PMM2: variants seen among roughly 807,000 people sequenced by gnomAD.
PMM2 encodes the protein phosphomannomutase 2, also known as mannose-6-phosphate isomerase.
PMM2 carries 35 observed loss-of-function variants against 33.2 expected under a neutral mutation model. That is an observed-to-expected ratio of 1.06 (90% confidence interval 0.81 to 1.40). PMM2 has a LOEUF of 1.40. Ranked by LOEUF, PMM2 falls within the 40% of genes most tolerant of loss-of-function variation. The probability of loss-of-function intolerance (pLI) is 0.00; values close to 1 mark genes in which losing one functional copy is unlikely to be tolerated. For missense variants in PMM2, 386 were observed against 306.0 expected (o/e 1.26, Z -1.95); for synonymous variants, 153 against 114.7 (o/e 1.33, Z -2.13).
chr16:8,809,070 G>A (rs967435823), intron 4 of PMM2: 1 of 152,232 alleles, frequency 6.6e-6, no homozygotes, highest in African/African-American at 2.4e-5. Flanking sequence ...GCCCTTTGGA[G>A]GTAACCAGAG....
chr16:8,836,425 C>A (rs897155076), intron 7 of PMM2, among the ~76,000 whole-genome samples: 1 of 152,068 alleles, frequency 6.6e-6, no homozygotes, highest in South Asian at 2.1e-4. Flanking sequence ...TAGGAGGAAT[C>A]CCGGGCTGTG....
At chr16:8,800,112 A>G (rs2060604387) in intron 1 of PMM2, among the ~76,000 whole-genome samples, 1 of 152,168 alleles carries the variant, frequency 6.6e-6, no homozygotes, top group Non-Finnish European at 1.5e-5. Flanking sequence ...TAATCCCAGC[A>G]CTTGGGGAGG....
chr16:8,802,276 C>T (rs953339850), intron 2 of PMM2: 4 of 455,134 alleles, frequency 8.8e-6, no homozygotes, highest in Non-Finnish European at 1.8e-5. Context: ...CTCACCTCCC[C>T]ATCACTGAAA....
chr16:8,824,489 C>T (rs971340988), intron 7 of PMM2, among the ~76,000 whole-genome samples: 3 of 152,256 alleles, frequency 2.0e-5, no homozygotes, highest in Non-Finnish European at 2.9e-5. Flanking sequence ...TATACTGAGA[C>T]GTATCAGAAT....
chr16:8,840,729 G>A (rs112696615), intron 7 of PMM2, among the ~76,000 whole-genome samples: 1 of 152,024 alleles, frequency 6.6e-6, no homozygotes, highest in African/African-American at 2.4e-5. Context: ...GGTGAGCCTA[G>A]TGGGGAGGAT....
At position 8,848,171 on chromosome 16, in the gene PMM2, T is replaced by G. The variant is rs557059975; in HGVS notation, c.*346T>G. 7.8e-5 allele frequency: 23 copies of G among 296,620 alleles called. 1 individual carries two copies. The highest frequency in any genetic ancestry group is 7.7e-4 in the South Asian group (23 of 29,906). The allele number at this position is 296,620 out of a possible 1,614,324, so 18.4% of individuals were successfully genotyped here. A position where few individuals can be genotyped will look rare whatever the true frequency, so the allele number is the denominator to read the frequency against. On this transcript the variant is annotated 3_prime_UTR_variant, in exon 8 of 8. Coordinates refer to ENST00000268261, the MANE Select transcript of PMM2 (RefSeq NM_000303.3). ...ATGATACAGAAAGAAAAACTGTGCCTGGACCCTCCCTCTTGGTGGGTCTGT... is the reference window on the plus strand; with the variant it reads ...ATGATACAGAAAGAAAAACTGTGCCGGGACCCTCCCTCTTGGTGGGTCTGT...
chr16:8,819,216 G>A (rs573521946), intron 7 of PMM2, among the ~76,000 whole-genome samples: 1 of 152,226 alleles, frequency 6.6e-6, no homozygotes, highest in Non-Finnish European at 1.5e-5. Flanking sequence ...CCACATGACA[G>A]TGGTCTGTCT....
intron 7 of PMM2, among the ~76,000 whole-genome samples, chr16:8,817,770 A>G (rs1448721855): frequency 6.6e-6 from 1 of 152,228 alleles, no homozygotes; most frequent in Non-Finnish European, 1.5e-5. Context: ...GTCACCTATA[A>G]TCATCCAACA....
intron 2 of PMM2, among the ~76,000 whole-genome samples, chr16:8,804,275 G>A (rs991494271): frequency 6.6e-6 from 1 of 151,388 alleles, no homozygotes; most frequent in Non-Finnish European, 1.5e-5. Context: ...TCCTGACCTA[G>A]TAAAACCCCG....
At chr16:8,826,548 C>T (rs2060769366) in intron 7 of PMM2, among the ~76,000 whole-genome samples, 1 of 152,156 alleles carries the variant, frequency 6.6e-6, no homozygotes, top group South Asian at 2.1e-4. Flanking sequence ...TCTGATCTGC[C>T]TAATTCAGAC....
At chr16:8,827,841 A>T (rs1487063698) in intron 7 of PMM2, among the ~76,000 whole-genome samples, 3 of 72,216 alleles carry the variant, frequency 4.2e-5, no homozygotes, top group African/African-American at 1.4e-4. Flanking sequence ...TATATTGTAT[A>T]ATATATAATA....
intron 4 of PMM2, chr16:8,807,953 T>A (rs537641801): frequency 6.6e-6 from 1 of 152,208 alleles, no homozygotes; most frequent in Non-Finnish European, 1.5e-5. Context: ...CAGTGGCTAT[T>A]TCTTGATGGT....
chr16:8,811,222 G>A lies in PMM2; in HGVS notation c.447+44G>A, dbSNP rs1054022285. The A allele has an allele frequency of 7.2e-6, 9 of 1,254,378 alleles. No individual in the cohort carries two copies. The African/African-American group carries it at 1.3e-4, about 19-fold the overall frequency. The allele number at this position is 1,254,378 out of a possible 1,614,324, so 77.7% of individuals were successfully genotyped here. On this transcript the variant is annotated intron_variant, in intron 5 of 7. Transcript: ENST00000268261. ...TCTTTGGTGAATGGCTGGGTTTATG[G>A]AAATAAGATATGGCCTGGTGTGGTG...
At chr16:8,828,388 T>C (rs1252490207) in intron 7 of PMM2, among the ~76,000 whole-genome samples, 1 of 152,122 alleles carries the variant, frequency 6.6e-6, no homozygotes, top group Non-Finnish European at 1.5e-5. Context: ...TTCCGTAAGC[T>C]GGGAACCAGA....
At chr16:8,844,742 G>A (rs186814474) in intron 7 of PMM2, among the ~76,000 whole-genome samples, 16 of 152,306 alleles carry the variant, frequency 1.1e-4, no homozygotes, top group African/African-American at 3.6e-4. Flanking sequence ...CAGATAAAAC[G>A]TCTCCTTTGT....
At position 8,820,368 on chromosome 16, in the gene PMM2, T is replaced by C. The variant is rs80115835; in HGVS notation, c.639+7262T>C. 7.7e-4 allele frequency among the ~76,000 whole-genome samples: 113 copies of C among 146,552 alleles called. 1 individual carries two copies. In the Middle Eastern group the frequency reaches 0.018, roughly 23 times the overall value. ...CAGTTCTTCTTTTTTTTTTTTTTTT[T>C]CCTGAGACAAGGTCTCACTCTGTCA... On this transcript the variant is annotated intron_variant, in intron 7 of 7. Transcript: ENST00000268261.
intron 2 of PMM2, chr16:8,802,168 G>A (rs1405452820): frequency 6.1e-6 from 3 of 491,990 alleles, no homozygotes; most frequent in African/African-American, 1.9e-5. Context: ...ATCTGCACAT[G>A]ATAATCTCTC....
At position 8,848,758 on chromosome 16, in the gene PMM2, A is replaced by T. The variant is rs1478598111; in HGVS notation, c.*933A>T. ...TCAGGGATGGAGCGAGAGCCCAGCC[A>T]GAGAACAGTAAGAGGAGCTGCTCTC... On this transcript the variant is annotated 3_prime_UTR_variant, in exon 8 of 8. Coordinates refer to ENST00000268261, the MANE Select transcript of PMM2 (RefSeq NM_000303.3). 6.6e-6 allele frequency: 1 copy of T among 152,272 alleles called. No individual in the cohort carries two copies. The highest frequency in any genetic ancestry group is 2.4e-5 in the African/African-American group (1 of 41,466). The allele number at this position is 152,272 out of a possible 1,614,324, so 9.4% of individuals were successfully genotyped here.
At chr16:8,837,738 A>G (rs2060860295) in intron 7 of PMM2, among the ~76,000 whole-genome samples, 1 of 152,044 alleles carries the variant, frequency 6.6e-6, no homozygotes, top group African/African-American at 2.4e-5. Flanking sequence ...CTCCGCCAGA[A>G]AAGTGGGACT....
Sources: gnomAD v4.1 joint callset for allele counts (sites outside exome capture counted in the v4.1 genomes callset) on GRCh38, gnomAD v4.1.1 for gene constraint, MANE v1.5 for transcripts, NCBI Gene and HGNC (gene_info 2026-07-23, HGNC 2026-07-21) for gene names.